Variants in NGLY1 observed in about 807,000 individuals in gnomAD.
NGLY1 encodes the protein peptide-N(4)-(N-acetyl-beta-glucosaminyl)asparagine amidase.
Under a neutral mutation model 84.6 loss-of-function variants are expected in NGLY1, and 68 were observed. That is an observed-to-expected ratio of 0.80 (90% confidence interval 0.66 to 0.98). NGLY1 has a LOEUF of 0.98. Among genes scored for constraint, NGLY1 ranks in the 50% least tolerant of loss-of-function variants. NGLY1 has a pLI of 0.00. For synonymous variants in NGLY1, 280 were observed against 275.2 expected, an observed-to-expected ratio of 1.02 and a Z score of -0.17; for missense variants, 779 against 770.2, an observed-to-expected ratio of 1.01 and a Z score of -0.14.
At chr3:25,784,737 C>T (rs146274052), upstream of NGLY1, among the ~76,000 whole-genome samples, 1 of 152,312 alleles carries the variant, frequency 6.6e-6, no homozygotes, top group African/African-American at 2.4e-5. Context: ...GACTATTCGT[C>T]TCCCAAATAT....
intron 7 of NGLY1, chr3:25,735,289 T>C (rs1005183449): frequency 2.6e-5 from 4 of 151,654 alleles, no homozygotes; most frequent in African/African-American, 9.7e-5. Flanking sequence ...GGGAGAAAAA[T>C]CTTTGCAAAG....
intron 2 of NGLY1, among the ~76,000 whole-genome samples, chr3:25,776,263 C>A (rs2125316585): frequency 6.6e-6 from 1 of 152,290 alleles, no homozygotes; most frequent in South Asian, 2.1e-4. Flanking sequence ...CAGGACAGTA[C>A]TGAGCAAACT....
chr3:25,764,094 T>A lies in NGLY1; in HGVS notation c.464A>T (p.Gln155Leu), dbSNP rs1385762448. The A allele has an allele frequency of 1.2e-6, 2 of 1,614,214 alleles. No individual in the cohort carries two copies. ...TGAAGCAGATGGTGGATCTGATGAC[T>A]GCCCTTGACGGTTCCTTGTGTGCTG... Reference protein sequence around the residue: ...LNQHTRNRQGQSSDPPSASTV... With the variant: ...LNQHTRNRQGLSSDPPSASTV... Residue 155 changes from glutamine (Q) to leucine (L), a missense_variant, in exon 3 of 12, where the codon CAG becomes CTG. Coordinates refer to ENST00000280700, the MANE Select transcript of NGLY1 (RefSeq NM_018297.4).
chr3:25,773,176 T>G (rs535681191), intron 2 of NGLY1, among the ~76,000 whole-genome samples: 1 of 152,326 alleles, frequency 6.6e-6, no homozygotes, highest in African/African-American at 2.4e-5. Context: ...TATGTAGATC[T>G]CTAGGAAGGC....
chr3:25,741,684 T>C (rs1182329388), intron 4 of NGLY1, among the ~76,000 whole-genome samples: 1 of 152,142 alleles, frequency 6.6e-6, no homozygotes, highest in African/African-American at 2.4e-5. Flanking sequence ...TTGTAACATG[T>C]CTAACAAAGA....
intron 3 of NGLY1, among the ~76,000 whole-genome samples, chr3:25,759,627 A>G (rs1707206826): frequency 6.6e-6 from 1 of 152,206 alleles, no homozygotes; most frequent in East Asian, 1.9e-4. Flanking sequence ...GTTGCTGATT[A>G]CATGGTGATT....
intron 4 of NGLY1, among the ~76,000 whole-genome samples, chr3:25,744,211 C>G (rs1331115071): frequency 1.3e-5 from 2 of 152,100 alleles, no homozygotes; most frequent in African/African-American, 4.8e-5. Flanking sequence ...CCATGTTCTC[C>G]ATCTCATATC....
At chr3:25,734,771 G>A (rs749533096) in intron 7 of NGLY1, 82 of 928,516 alleles carry the variant, frequency 8.8e-5, no homozygotes, top group Non-Finnish European at 1.0e-4. Flanking sequence ...AAGAGAATAC[G>A]TCACTTATTC....
intron 3 of NGLY1, among the ~76,000 whole-genome samples, chr3:25,754,355 A>G (rs971761713): frequency 2.6e-5 from 4 of 152,248 alleles, no homozygotes; most frequent in African/African-American, 7.2e-5. Context: ...CATTCCTGTC[A>G]GAAGGAACAG....
At chr3:25,733,790 A>T in intron 8 of NGLY1, 82 bp downstream of exon 8, 1 of 757,166 alleles carries the variant, frequency 1.3e-6, no homozygotes, top group Non-Finnish European at 2.1e-6. Flanking sequence ...TACTTTAAGA[A>T]TTTCAATAGG....
chr3:25,733,060 A>C (rs960599978), intron 8 of NGLY1, among the ~76,000 whole-genome samples: 1 of 152,218 alleles, frequency 6.6e-6, no homozygotes, highest in Non-Finnish European at 1.5e-5. Context: ...TCAAAGCAGA[A>C]TTTTTAGCAG....
intron 3 of NGLY1, chr3:25,755,498 C>T: frequency 1.4e-6 from 2 of 1,462,426 alleles, no homozygotes; most frequent in Non-Finnish European, 1.9e-6. Flanking sequence ...CTTCTCGGTC[C>T]ACACCTGTCA....
intron 10 of NGLY1, among the ~76,000 whole-genome samples, chr3:25,721,230 C>T (rs915679084): frequency 6.6e-6 from 1 of 152,080 alleles, no homozygotes; most frequent in Middle Eastern, 3.2e-3. Context: ...CCATGCCTGG[C>T]TAATTTAAAA....
In NGLY1 at chr3:25,739,586, C is replaced by T. The variant is rs769627493; in HGVS notation, c.872G>A (p.Arg291Gln). 15 of 1,614,008 alleles carry T rather than the reference C, an allele frequency of 9.3e-6. No individual in the cohort carries two copies. The highest frequency in any genetic ancestry group is 6.7e-5 in the Admixed American group (4 of 60,010). Residue 291 changes from arginine to glutamine, a missense_variant, in exon 5 of 12, where the codon CGA (arginine) becomes CAA (glutamine). Physicochemically the swap from Arg to Gln is conservative, Grantham distance 43. Transcript: ENST00000280700. ...HYCDACQFSN[R>Q]FPRYNNPEKL... ...CATCCAGGGCACCCACCTTGGGAAT[C>T]GATTGCTGAACTGGCAGGCATCACA... is the stretch of plus-strand genomic sequence containing the variant.
intron 3 of NGLY1, among the ~76,000 whole-genome samples, chr3:25,759,229 G>A (rs1707186684): frequency 6.6e-6 from 1 of 151,090 alleles, no homozygotes; most frequent in African/African-American, 2.4e-5. Flanking sequence ...TACAACAGCT[G>A]ACAAAAGAAA....
intron 3 of NGLY1, among the ~76,000 whole-genome samples, chr3:25,753,132 A>C (rs992846602): frequency 3.9e-5 from 6 of 152,236 alleles, no homozygotes; most frequent in African/African-American, 1.4e-4. Flanking sequence ...TATAATGATG[A>C]CATTTTACAA....
At chr3:25,786,115 C>G (rs116352686), upstream of NGLY1, among the ~76,000 whole-genome samples, 2,473 of 152,238 alleles carry the variant, frequency 0.016, 69 homozygotes, top group African/African-American at 0.057. Flanking sequence ...TATCACCAAA[C>G]CAATCGTGGG....
At chr3:25,739,826 A>G in intron 4 of NGLY1, 27 bp from the exon 5 acceptor site, 10 of 1,576,046 alleles carry the variant, frequency 6.3e-6, no homozygotes, top group Non-Finnish European at 7.8e-6. Flanking sequence ...GGACCAAGTA[A>G]GAGCTAAAAC....
At chr3:25,764,037 AG>A (rs1559551623) in intron 3 of NGLY1, 28 bp downstream of exon 3, 1 of 1,608,872 alleles carries the variant, frequency 6.2e-7, no homozygotes, top group Admixed American at 1.7e-5. Flanking sequence ...TGAAAGAAAC[AG>A]TTAAAGAAGG....
Sources: allele counts gnomAD v4.1 joint callset (sites outside exome capture counted in the v4.1 genomes callset), GRCh38; gene constraint gnomAD v4.1.1; transcripts MANE v1.5; gene names NCBI Gene and HGNC (gene_info 2026-07-23, HGNC 2026-07-21).